KIF16B: variants seen among roughly 807,000 people sequenced by gnomAD.
The protein encoded by KIF16B is kinesin-like protein KIF16B.
A neutral mutation model predicts 156.3 loss-of-function variants in KIF16B; 98 were observed. That is an observed-to-expected ratio of 0.63 (90% CI 0.53 to 0.74). The LOEUF (loss-of-function observed/expected upper bound fraction) is 0.74, where lower values mean the gene tolerates loss of function less well. Among genes scored for constraint, KIF16B ranks in the 30% least tolerant of loss-of-function variants. The pLI is 0.00. For synonymous variants in KIF16B, 564 were observed against 583.7 expected, an observed-to-expected ratio of 0.97 and a Z score of 0.49; for missense variants, 1,421 against 1,606.5, an observed-to-expected ratio of 0.88 and a Z score of 1.97.
At chr20:16,480,690 A>G (rs955280611) in intron 12 of KIF16B, among the ~76,000 whole-genome samples, 1 of 152,222 alleles carries the variant, frequency 6.6e-6, no homozygotes, top group African/African-American at 2.4e-5. Flanking sequence ...CAATGTCTAC[A>G]CATCTTAATC....
chr20:16,561,330 C>A (rs2071053870), intron 1 of KIF16B, among the ~76,000 whole-genome samples: 1 of 152,140 alleles, frequency 6.6e-6, no homozygotes. Flanking sequence ...TATCAGCATG[C>A]ATTGAGCAGA....
Position 16,510,380 on chromosome 20 carries a change from G to C in KIF16B, c.556+1038C>G, listed in dbSNP as rs1231632981. On this transcript the variant is annotated intron_variant, in intron 6 of 25. Transcript: ENST00000354981. Reference sequence around the variant, plus strand: ...ATTAAAATACAGATGGGCCGGGCGTGGTGGCTCACACCTGTAATCCCAGCA... The same window carrying C: ...ATTAAAATACAGATGGGCCGGGCGTCGTGGCTCACACCTGTAATCCCAGCA... Among the ~76,000 whole-genome samples, 3 of 152,196 alleles carry C rather than the reference G, an allele frequency of 2.0e-5. No individual in the cohort carries two copies. The East Asian group carries it at 5.8e-4, about 29-fold the overall frequency.
At chr20:16,512,778 T>A in intron 5 of KIF16B, 48 bp downstream of exon 5, 1 of 1,304,566 alleles carries the variant, frequency 7.7e-7, no homozygotes, top group Non-Finnish European at 1.1e-6. Context: ...CCAACCAGCA[T>A]TGACTCTAAT....
rs555811327 is a variant in KIF16B at position 16,411,729 on chromosome 20, C to T, written c.1613-5273G>A. Among the ~76,000 whole-genome samples, 27 of 151,832 alleles carry T rather than the reference C, an allele frequency of 1.8e-4. 1 individual carries two copies. In the East Asian group the frequency reaches 1.9e-3, roughly 11 times the overall value. On this transcript the variant is annotated intron_variant, in intron 15 of 25. Transcript: ENST00000354981. ...TCGTATGGGGAATCTGGACATGTGC[C>T]GAAAAGATACACTGAAGCTGAAGGG...
chr20:16,455,538 C>T (rs2067190413), intron 12 of KIF16B, among the ~76,000 whole-genome samples: 1 of 152,114 alleles, frequency 6.6e-6, no homozygotes, highest in Non-Finnish European at 1.5e-5. Flanking sequence ...CCTATGAAAT[C>T]ATTGACTCAG....
At chr20:16,305,098 A>G (rs2063522827) in intron 25 of KIF16B, among the ~76,000 whole-genome samples, 1 of 152,170 alleles carries the variant, frequency 6.6e-6, no homozygotes, top group African/African-American at 2.4e-5. Context: ...CCCATTAGAC[A>G]GGACAATGCC....
intron 12 of KIF16B, among the ~76,000 whole-genome samples, chr20:16,464,055 C>T (rs533670236): frequency 6.6e-6 from 1 of 152,080 alleles, no homozygotes; most frequent in African/African-American, 2.4e-5. Flanking sequence ...AGGGAAAGCC[C>T]AGTACATTTT....
At chr20:16,334,676 CA>C (rs1426206357) in intron 24 of KIF16B, among the ~76,000 whole-genome samples, 1 of 152,086 alleles carries the variant, frequency 6.6e-6, no homozygotes, top group Non-Finnish European at 1.5e-5. Context: ...GATGGTATCC[CA>C]TGGTAATGAG....
intron 3 of KIF16B, among the ~76,000 whole-genome samples, chr20:16,517,634 C>A (rs1018655942): frequency 6.6e-6 from 1 of 152,138 alleles, no homozygotes; most frequent in Non-Finnish European, 1.5e-5. Flanking sequence ...CCCAATCCTA[C>A]CTGGAAGGGC....
In KIF16B at chr20:16,389,415, C is replaced by T. The variant is rs2065309444; in HGVS notation, c.1785-7668G>A. Among the ~76,000 whole-genome samples the T allele has an allele frequency of 4.6e-5, 7 of 152,296 alleles. No homozygotes were observed. In the South Asian group the frequency reaches 1.5e-3, roughly 32 times the overall value. ...AACTCCTGGCCTTTTGCCTGGAATG[C>T]TCGGTAGTATTCCTCAGTCCAGAGA... On this transcript the variant is annotated intron_variant, in intron 17 of 25. Coordinates refer to ENST00000354981, the MANE Select transcript of KIF16B (RefSeq NM_024704.5).
intron 25 of KIF16B, among the ~76,000 whole-genome samples, chr20:16,274,098 A>C (rs1227037986): frequency 6.6e-6 from 1 of 151,950 alleles, no homozygotes; most frequent in Non-Finnish European, 1.5e-5. Flanking sequence ...CAAAAAAAAA[A>C]GGCCGGCCAT....
At chr20:16,405,451 T>C (rs908797058) in intron 16 of KIF16B, among the ~76,000 whole-genome samples, 1 of 152,172 alleles carries the variant, frequency 6.6e-6, no homozygotes, top group Non-Finnish European at 1.5e-5. Context: ...GAGGCTCCAC[T>C]GGCCGGAAAA....
chr20:16,426,441 C>T (rs1337633316), intron 15 of KIF16B, among the ~76,000 whole-genome samples: 1 of 152,110 alleles, frequency 6.6e-6, no homozygotes, highest in Non-Finnish European at 1.5e-5. Context: ...AACCAAATGC[C>T]ATACAGGAAA....
In KIF16B at chr20:16,277,701, G is replaced by T. The variant is rs145579091; in HGVS notation, c.3796-4290C>A. ...AAGCTGCATCTCCCCAGGTCAGCAC[G>T]CTTTATAAAAGAGCATTGCGAAAAC... On this transcript the variant is annotated intron_variant, in intron 25 of 25. Transcript: ENST00000354981. Among the ~76,000 whole-genome samples, 123 of 152,136 alleles carry T rather than the reference G, an allele frequency of 8.1e-4. No individual in the cohort carries two copies. The East Asian group carries it at 0.015, about 19-fold the overall frequency.
At chr20:16,456,448 C>T (rs1209866686) in intron 12 of KIF16B, among the ~76,000 whole-genome samples, 1 of 152,106 alleles carries the variant, frequency 6.6e-6, no homozygotes, top group Non-Finnish European at 1.5e-5. Context: ...AAGATACACA[C>T]ACACACACAC....
intron 1 of KIF16B, among the ~76,000 whole-genome samples, chr20:16,571,593 T>A (rs4813226): frequency 0.79 from 120,384 of 151,826 alleles, 48,133 homozygotes; most frequent in African/African-American, 0.89. Flanking sequence ...GACAGCACCC[T>A]GAGGAATGCT....
chr20:16,488,780 C>G (rs761874828), intron 12 of KIF16B, among the ~76,000 whole-genome samples: 2 of 152,190 alleles, frequency 1.3e-5, no homozygotes, highest in Non-Finnish European at 2.9e-5. Context: ...AAGAGAATCA[C>G]TGCAGTTTGA....
chr20:16,553,513 A>G (rs2070738970), intron 1 of KIF16B, among the ~76,000 whole-genome samples: 1 of 152,196 alleles, frequency 6.6e-6, no homozygotes, highest in Non-Finnish European at 1.5e-5. Context: ...CATTGAGCCT[A>G]AGAGAGTATC....
intron 12 of KIF16B, among the ~76,000 whole-genome samples, chr20:16,474,171 C>A (rs1332716920): frequency 2.6e-5 from 4 of 152,186 alleles, no homozygotes; most frequent in Non-Finnish European, 5.9e-5. Flanking sequence ...TCTCTCTGAA[C>A]CCCTCCTGAC....
Sources: allele counts gnomAD v4.1 joint callset (sites outside exome capture counted in the v4.1 genomes callset), GRCh38; gene constraint gnomAD v4.1.1; transcripts MANE v1.5; gene names NCBI Gene and HGNC (gene_info 2026-07-23, HGNC 2026-07-21).